GLT6D1: variants seen among roughly 807,000 people sequenced by gnomAD.
GLT6D1 encodes the protein glycosyltransferase 6 domain containing 1.
GLT6D1 carries 9 observed loss-of-function variants against 12.3 expected under a neutral mutation model. The observed-to-expected ratio is 0.73, with a 90% CI of 0.44 to 1.27. The LOEUF is 1.27. Ranked by LOEUF, GLT6D1 falls within the 50% of genes most tolerant of loss-of-function variation. The pLI, the probability that GLT6D1 is intolerant of heterozygous loss-of-function variation, is 0.00. For missense variants in GLT6D1, 335 were observed against 346.2 expected (o/e 0.97, Z 0.26); for synonymous variants, 128 against 132.3 (o/e 0.97, Z 0.23).
chr9:135,628,960 A>G (rs1024941798), intron 3 of GLT6D1, among the ~76,000 whole-genome samples: 7 of 152,094 alleles, frequency 4.6e-5, no homozygotes, highest in Non-Finnish European at 8.8e-5. Context: ...AGCTAGGACA[A>G]TCAAGTTACA....
chr9:135,625,551 C>A (rs1033336364), intron 4 of GLT6D1, among the ~76,000 whole-genome samples: 2 of 152,132 alleles, frequency 1.3e-5, no homozygotes, highest in Admixed American at 6.6e-5. Flanking sequence ...TACTAGTCTG[C>A]AAAATAGCTC....
At chr9:135,638,178 C>G (rs944940639) in intron 2 of GLT6D1, among the ~76,000 whole-genome samples, 4 of 152,188 alleles carry the variant, frequency 2.6e-5, no homozygotes, top group Admixed American at 2.0e-4. Context: ...AAAGTGGAAA[C>G]CCCTGATAAA....
At chr9:135,633,155 C>T (rs1203794261) in intron 2 of GLT6D1, among the ~76,000 whole-genome samples, 2 of 152,178 alleles carry the variant, frequency 1.3e-5, no homozygotes, top group Non-Finnish European at 2.9e-5. Context: ...GCCATTAGTA[C>T]CCAGTTGACC....
chr9:135,624,562 A>G lies in GLT6D1; in HGVS notation c.366T>C (p.Pro122=). Residue 122 remains proline (P), a synonymous_variant, in exon 5 of 5, where the codon CCT becomes CCC. Transcript: ENST00000371763. ...TTCGAAGAGGACTGGGCTCTATGTC[A>G]GGCAGCTTGAAGAAGGCGTCCACCA... The part of the protein sequence containing the change: ...YIMVDAFFKL[P]DIEPSPLRTF... 1 of 1,613,860 alleles carries G rather than the reference A, an allele frequency of 6.2e-7. No homozygotes were observed. Among genetic ancestry groups the G allele is most frequent in the Non-Finnish European group, 8.5e-7 (1 of 1,180,012 alleles).
chr9:135,640,809 G>A (rs979785886), upstream of GLT6D1, among the ~76,000 whole-genome samples: 5 of 152,132 alleles, frequency 3.3e-5, no homozygotes, highest in African/African-American at 1.2e-4. Context: ...CCCTTCCTGG[G>A]CAGGCTTCGG....
rs138281407 is a variant in GLT6D1, at chr9:135,624,539, C to G, written c.389G>C (p.Arg130Pro). The G allele has an allele frequency of 6.4e-4, 1,034 of 1,613,884 alleles. 11 individuals carry two copies. In the Admixed American group the frequency reaches 0.011, roughly 17 times the overall value. The change falls in exon 5 of 5, where the codon CGA becomes CCA. Residue 130 changes from arginine (R) to proline (P), a missense_variant. Physicochemically the swap from Arg to Pro is moderately radical, Grantham distance 103. Coordinates refer to ENST00000371763, the MANE Select transcript of GLT6D1 (RefSeq NM_182974.3). The part of the protein sequence containing the change: ...KLPDIEPSPL[R>P]TFKAFKVGTE... ...GCCCACTTTAAATGCTTTGAACGTT[C>G]GAAGAGGACTGGGCTCTATGTCAGG...
intron 4 of GLT6D1, among the ~76,000 whole-genome samples, chr9:135,624,963 C>T (rs937433179): frequency 6.1e-5 from 9 of 148,716 alleles, no homozygotes; most frequent in Admixed American, 6.8e-5. Context: ...AGGCTGGTCT[C>T]GAACTCCTGA....
At position 135,624,625 on chromosome 9, in the gene GLT6D1, C is replaced by T. The variant is rs1315116672; in HGVS notation, c.303G>A (p.Lys101=). The T allele has an allele frequency of 6.8e-6, 11 of 1,609,288 alleles. No homozygotes were observed. Among genetic ancestry groups the T allele is most frequent in the East Asian group, 2.2e-5 (1 of 44,770 alleles). The stretch of plus-strand genomic sequence containing the variant: ...TCACTCGGTAGCCTGTCATGAAGTG[C>T]TTATTTGCGGAGTGTAGGAACGGCC... ...YLRPFLHSAN[K]HFMTGYRVIF... The change falls in exon 5 of 5, where the codon AAG becomes AAA. Residue 101 remains lysine, a synonymous_variant. Transcript: ENST00000371763.
At chr9:135,634,447 T>TTC (rs1167889513) in intron 2 of GLT6D1, among the ~76,000 whole-genome samples, 2 of 140,948 alleles carry the variant, frequency 1.4e-5, no homozygotes, top group African/African-American at 5.2e-5. Context: ...CTTTCCTTTT[T>TTC]TTTTTTTTTT....
At position 135,624,178 on chromosome 9, in the gene GLT6D1, A is replaced by G; in HGVS notation, c.750T>C (p.Val250=). The change falls in exon 5 of 5, where the codon GTT becomes GTC. Residue 250 remains valine, a synonymous_variant. Transcript: ENST00000371763. ...TGAGTCCATTTTTGATGTCATGAAT[A>G]ACTCCGTTCAGATATTCTTTGATGA... ...LDFIKEYLNG[V]IHDIKNGLNS... is the part of the protein sequence containing the mutation. The G allele has an allele frequency of 6.2e-7, 1 of 1,613,170 alleles. No homozygotes were observed. The highest frequency in any genetic ancestry group is 8.5e-7 in the Non-Finnish European group (1 of 1,179,734).
Position 135,634,442 on chromosome 9 carries a change from C to T in GLT6D1, c.72-2964G>A, listed in dbSNP as rs75691010. On this transcript the variant is annotated intron_variant, in intron 2 of 4. Coordinates refer to ENST00000371763, the MANE Select transcript of GLT6D1 (RefSeq NM_182974.3). Reference sequence around the variant, plus strand: ...CATGCCTGGCCTTGTTTTTCCTTTCCTTTTTTTTTTTTTTTTTTTTTTGGC... The same window carrying T: ...CATGCCTGGCCTTGTTTTTCCTTTCTTTTTTTTTTTTTTTTTTTTTTTGGC... Among the ~76,000 whole-genome samples, 63 of 54,850 alleles carry T rather than the reference C, an allele frequency of 1.1e-3. 1 individual carries two copies. The highest frequency in any genetic ancestry group is 1.6e-3 in the South Asian group (2 of 1,218). 36.0% of individuals were successfully genotyped at this position (54,850 alleles called of 152,430 possible). A position where few individuals can be genotyped will look rare whatever the true frequency, so the allele number is the denominator to read the frequency against.
rs1004893531 is a variant in GLT6D1, at chr9:135,638,855, A to G, written c.71+262T>C. The stretch of plus-strand genomic sequence containing the variant: ...GATTATCTCTGCCAGCCTGGACAAC[A>G]TAAGTCTCTACAAAAAAAATTCAAA... On this transcript the variant is annotated intron_variant, in intron 2 of 4. Transcript: ENST00000371763. Among the ~76,000 whole-genome samples, 3 of 152,194 alleles carry G rather than the reference A, an allele frequency of 2.0e-5. No homozygotes were observed. The East Asian group carries it at 5.8e-4, about 29-fold the overall frequency.
At chr9:135,632,865 A>C (rs1164303416) in intron 2 of GLT6D1, among the ~76,000 whole-genome samples, 1 of 152,098 alleles carries the variant, frequency 6.6e-6, no homozygotes, top group Non-Finnish European at 1.5e-5. Context: ...ATGTGGTTTC[A>C]CAATGTTGGC....
At position 135,626,745 on chromosome 9, in the gene GLT6D1, C is replaced by T. The variant is rs148262094; in HGVS notation, c.120-539G>A. 1.1e-4 allele frequency among the ~76,000 whole-genome samples: 17 copies of T among 152,262 alleles called. No homozygotes were observed. The East Asian group carries it at 2.7e-3, about 24-fold the overall frequency. On this transcript the variant is annotated intron_variant, in intron 3 of 4. Transcript: ENST00000371763. ...TTCAGCTTCTCCCTCATGCTTTAGG[C>T]CCACCAGTGCAATCCAGCAGAAATG...
chr9:135,625,955 TA>T (rs1322826204), intron 4 of GLT6D1, 113 bp downstream of exon 4: 3 of 1,191,648 alleles, frequency 2.5e-6, no homozygotes, highest in African/African-American at 1.5e-5. Context: ...AAATCGTGGC[TA>T]TTGTTATCAC....
intron 3 of GLT6D1, among the ~76,000 whole-genome samples, chr9:135,629,526 A>G (rs1328569529): frequency 6.6e-6 from 1 of 152,178 alleles, no homozygotes; most frequent in African/African-American, 2.4e-5. Context: ...TTTATTGTGC[A>G]ACATATGGCT....
At position 135,626,137 on chromosome 9, in the gene GLT6D1, C is replaced by G. The variant is rs1464875491; in HGVS notation, c.189G>C (p.Arg63Ser). ...TTCTGTAATGTTTTTCCAGGACCCG[C>G]CTGTCGAAAGTCCCTTCCCATAGGA... ...APVLWEGTFD[R>S]RVLEKHYRRR... The change falls in exon 4 of 5, where the codon AGG becomes AGC. Residue 63 changes from arginine to serine, a missense_variant. Transcript: ENST00000371763. 6.2e-7 allele frequency: 1 copy of G among 1,614,130 alleles called. No individual in the cohort carries two copies. Among genetic ancestry groups the G allele is most frequent in the Non-Finnish European group, 8.5e-7 (1 of 1,180,028 alleles).
At chr9:135,635,227 C>A (rs1833746003) in intron 2 of GLT6D1, among the ~76,000 whole-genome samples, 1 of 152,182 alleles carries the variant, frequency 6.6e-6, no homozygotes, top group African/African-American at 2.4e-5. Flanking sequence ...TCTTTTCTTG[C>A]TCAAAAGGCT....
rs1018273692 is a variant in GLT6D1, at chr9:135,636,595, T to C, written c.71+2522A>G. On this transcript the variant is annotated intron_variant, in intron 2 of 4. Transcript: ENST00000371763. ...GTTTTTTTTCAAATGCAAAGTTACATGTGTCCATGGTTACACTGTCATACA... is the reference window on the plus strand; with the variant it reads ...GTTTTTTTTCAAATGCAAAGTTACACGTGTCCATGGTTACACTGTCATACA... 7.9e-5 allele frequency among the ~76,000 whole-genome samples: 12 copies of C among 152,316 alleles called. No homozygotes were observed. In the East Asian group the frequency reaches 2.3e-3, roughly 29 times the overall value.
Sources: gnomAD v4.1 joint callset for allele counts (sites outside exome capture counted in the v4.1 genomes callset) on GRCh38, gnomAD v4.1.1 for gene constraint, MANE v1.5 for transcripts, NCBI Gene and HGNC (gene_info 2026-07-23, HGNC 2026-07-21) for gene names.